Variants in CARMIL2 observed in about 807,000 individuals in gnomAD.
CARMIL2 encodes the protein capping protein, Arp2/3 and myosin-I linker protein 2.
In CARMIL2, 96 loss-of-function variants were observed where a neutral mutation model predicts 173.3. The ratio of observed to expected loss-of-function variants is 0.55; its 90% CI spans 0.47 to 0.66. The LOEUF (loss-of-function observed/expected upper bound fraction) is 0.66. CARMIL2 is among the 30% of genes least tolerant of loss of function. The probability of loss-of-function intolerance (pLI) is 0.00; values close to 1 mark genes in which losing one functional copy is unlikely to be tolerated. For synonymous variants in CARMIL2, 830 were observed against 817.1 expected, an observed-to-expected ratio of 1.02 and a Z score of -0.27; for missense variants, 1,771 against 1,906.7, an observed-to-expected ratio of 0.93 and a Z score of 1.33.
Position 67,649,034 on chromosome 16 carries a change from C to A in CARMIL2, c.1592-42C>A, listed in dbSNP as rs371019393. On this transcript the variant is annotated intron_variant, in intron 17 of 37. Coordinates refer to ENST00000334583, the MANE Select transcript of CARMIL2 (RefSeq NM_001013838.3). The surrounding 1 kb of genome is among the most constrained non-coding windows in gnomAD (Gnocchi z 6.7). ...CACTCGATTCCCAATCCCCACCCTA[C>A]CCTTGCAACTTCGCCTCGTGCGTGA... The A allele has an allele frequency of 4.4e-6, 7 of 1,604,286 alleles. No homozygotes were observed. Among genetic ancestry groups the A allele is most frequent in the Non-Finnish European group, 6.0e-6 (7 of 1,175,782 alleles).
chr16:67,649,923 G>T lies in CARMIL2; in HGVS notation c.2037G>T (p.Gln679His), dbSNP rs1430043793. ...CTCTGCCACTGAACGACGTGGCCCA[G>T]GCGCAGCGCAGCCGCCCGGAACTGA... ...AMPLPLNDVA[Q>H]AQRSRPELTA... Residue 679 changes from glutamine (Q) to histidine (H), a missense_variant, in exon 21 of 38, where the codon CAG (glutamine) becomes CAT (histidine). By Grantham distance (24) the Gln-to-His change is conservative (BLOSUM62 0). Around this residue, in one of 3 missense-constraint regions of CARMIL2, gnomAD observed 944 missense variants for 975.6 expected, o/e 0.97. Transcript: ENST00000334583. The surrounding 1 kb of genome is among the most constrained non-coding windows in gnomAD (Gnocchi z 6.7). 6.2e-7 allele frequency: 1 copy of T among 1,613,240 alleles called. No homozygotes were observed. The highest frequency in any genetic ancestry group is 8.5e-7 in the Non-Finnish European group (1 of 1,179,850).
rs186333908 is a variant in CARMIL2, at chr16:67,654,091, G to A, written c.3121-58G>A. 4.8e-5 allele frequency: 52 copies of A among 1,093,856 alleles called. 1 individual carries two copies. Among genetic ancestry groups the A allele is most frequent in the Non-Finnish European group, 6.3e-5 (50 of 788,810 alleles). 67.8% of individuals were successfully genotyped at this position (1,093,856 alleles called of 1,614,324 possible). On this transcript the variant is annotated intron_variant, in intron 29 of 37. Coordinates refer to ENST00000334583, the MANE Select transcript of CARMIL2 (RefSeq NM_001013838.3). ...TCCAGGCTGCCGGCCGGGGGGGGGG[G>A]GGGGTAGAAGCCAGAGTTGCACTCA... is the stretch of plus-strand genomic sequence containing the variant.
intron 9 of CARMIL2, 26 bp from the exon 10 acceptor site, chr16:67,647,273 G>A (rs376793104): frequency 1.9e-5 from 31 of 1,609,356 alleles, no homozygotes; most frequent in Admixed American, 1.2e-4. Context: ...GGTGCAGCCC[G>A]TGAGCCGCCG....
chr16:67,653,040 C>A lies in CARMIL2; in HGVS notation c.2906C>A (p.Pro969Gln). The A allele has an allele frequency of 7.9e-7, 1 of 1,272,038 alleles. No individual in the cohort carries two copies. Among genetic ancestry groups the A allele is most frequent in the Non-Finnish European group, 1.0e-6 (1 of 996,774 alleles). 78.8% of individuals were successfully genotyped at this position (1,272,038 alleles called of 1,614,324 possible). A position where few individuals can be genotyped will look rare whatever the true frequency, so the allele number is the denominator to read the frequency against. ...TCAGGTGCTGCTGAGGAAGCGGAGC[C>A]GGAGCCCGAGCTGGCGGCTCCGGGA... is the stretch of plus-strand genomic sequence containing the variant. ...FIHSAAEEAEPEPELAAPGED... is the reference protein window; with the variant it reads ...FIHSAAEEAEQEPELAAPGED... Residue 969 changes from proline to glutamine, a missense_variant, in exon 29 of 38, where the codon CCG becomes CAG. Physicochemically the swap from Pro to Gln is moderately conservative, Grantham distance 76 (BLOSUM62 -1). Around this residue, in one of 3 missense-constraint regions of CARMIL2, gnomAD observed 817 missense variants for 903.5 expected, o/e 0.90. Coordinates refer to ENST00000334583, the MANE Select transcript of CARMIL2 (RefSeq NM_001013838.3). This position sits in a 1 kb window ranked among gnomAD's most constrained non-coding sequence, Gnocchi z 7.4.
rs2052774014 is a variant in CARMIL2, at chr16:67,653,712, C to T, written c.3121-437C>T. Among the ~76,000 whole-genome samples, 1 of 150,710 alleles carries T rather than the reference C, an allele frequency of 6.6e-6. No individual in the cohort carries two copies. Among genetic ancestry groups the T allele is most frequent in the South Asian group, 2.1e-4 (1 of 4,696 alleles). On this transcript the variant is annotated intron_variant, in intron 29 of 37. Coordinates refer to ENST00000334583, the MANE Select transcript of CARMIL2 (RefSeq NM_001013838.3). This position sits in a 1 kb window ranked among gnomAD's most constrained non-coding sequence, Gnocchi z 7.4. Reference sequence around the variant, plus strand: ...CTGGCGGAGGGCGGGGAGGAGCCGGCTTGAGGCCCCCCAGAGGGTCTGACG... The same window carrying T: ...CTGGCGGAGGGCGGGGAGGAGCCGGTTTGAGGCCCCCCAGAGGGTCTGACG...
At position 67,656,070 on chromosome 16, in the gene CARMIL2, A is replaced by G. The variant is rs2052846559; in HGVS notation, c.3742+3A>G. The G allele has an allele frequency of 1.2e-6, 2 of 1,605,710 alleles. No individual in the cohort carries two copies. The highest frequency in any genetic ancestry group is 1.7e-6 in the Non-Finnish European group (2 of 1,176,028). On this transcript the variant is annotated splice_donor_region_variant and intron_variant, in intron 33 of 37. Coordinates refer to ENST00000334583, the MANE Select transcript of CARMIL2 (RefSeq NM_001013838.3). Reference sequence around the variant, plus strand: ...GATCAAGAAAGCTGGCTCAGATGGTAAGTGGGACCCTGGGGTGTGGCAGTA... The same window carrying G: ...GATCAAGAAAGCTGGCTCAGATGGTGAGTGGGACCCTGGGGTGTGGCAGTA...
At position 67,652,238 on chromosome 16, in the gene CARMIL2, C is replaced by A. The variant is rs759374904; in HGVS notation, c.2716C>A (p.Pro906Thr). The A allele has an allele frequency of 9.9e-6, 16 of 1,613,090 alleles. No homozygotes were observed. Among genetic ancestry groups the A allele is most frequent in the Non-Finnish European group, 1.4e-5 (16 of 1,179,858 alleles). ...TCAGCAGGCAACAGTGACAATGCCC[C>A]CTGCCCTACCAGCACCGGATGGAGG... ...LAQQATVTMP[P>T]ALPAPDGGEP... is the part of the protein sequence containing the mutation. The change falls in exon 27 of 38, where the codon CCT (proline) becomes ACT (threonine). Residue 906 changes from proline to threonine, a missense_variant. Pro to Thr is a conservative substitution (Grantham distance 38). This residue lies in a region of CARMIL2 where 817 missense variants were observed against 903.5 expected (regional missense o/e 0.90). Coordinates refer to ENST00000334583, the MANE Select transcript of CARMIL2 (RefSeq NM_001013838.3). This position sits in a 1 kb window ranked among gnomAD's most constrained non-coding sequence, Gnocchi z 4.7.
At position 67,653,033 on chromosome 16, in the gene CARMIL2, GC is replaced by G; in HGVS notation, c.2900del (p.Ala967GlyfsTer102). ...VPFIHSAAEEAEPEPELAAPG... is the reference protein window; with the variant it reads ...VPFIHSAAEEXEPEPELAAPG... ...TGTCCCCTCAGGTGCTGCTGAGGAA[GC>G]GGAGCCGGAGCCCGAGCTGGCGGCT... is the stretch of plus-strand genomic sequence containing the variant. On this transcript the variant is annotated frameshift_variant, in exon 29 of 38. Transcript: ENST00000334583. LOFTEE classifies it high-confidence loss of function. The surrounding 1 kb of genome is among the most constrained non-coding windows in gnomAD (Gnocchi z 7.4). 7.9e-7 allele frequency: 1 copy of G among 1,270,766 alleles called. No homozygotes were observed. 78.7% of individuals were successfully genotyped at this position (1,270,766 alleles called of 1,614,324 possible).
rs781338790 is a variant in CARMIL2 at position 67,654,685 on chromosome 16, C to T, written c.3575C>T (p.Pro1192Leu). 10 of 1,591,974 alleles carry T rather than the reference C, an allele frequency of 6.3e-6. No homozygotes were observed. The highest frequency in any genetic ancestry group is 3.4e-5 in the Admixed American group (2 of 58,000). The change falls in exon 31 of 38, where the codon CCC becomes CTC. Residue 1192 changes from proline (P) to leucine (L), a missense_variant. Pro to Leu is a moderately conservative substitution (Grantham distance 98, BLOSUM62 -3). Around this residue, in one of 3 missense-constraint regions of CARMIL2, gnomAD observed 817 missense variants for 903.5 expected, o/e 0.90. Coordinates refer to ENST00000334583, the MANE Select transcript of CARMIL2 (RefSeq NM_001013838.3). ...GAGGAGGCAACGCTGGGTGCCAGAC[C>T]CGACAAGGTGAGGCTTGCTGATGGG... ...AEEEATLGAR[P>L]DKRRPLERGE...
intron 8 of CARMIL2, 56 bp from the exon 9 acceptor site, chr16:67,647,060 C>A: frequency 6.2e-7 from 1 of 1,608,422 alleles, no homozygotes. Flanking sequence ...GGCTGCTGGG[C>A]CTGGGACCTG....
At position 67,654,810 on chromosome 16, in the gene CARMIL2, G is replaced by A; in HGVS notation, c.3615G>A (p.Leu1205=). 6.2e-7 allele frequency: 1 copy of A among 1,613,578 alleles called. No homozygotes were observed. The highest frequency in any genetic ancestry group is 8.5e-7 in the Non-Finnish European group (1 of 1,179,888). ...RRPLERGETE[L]APSFEQRVQV... ...CCCTGGAGCGGGGAGAAACAGAACT[G>A]GCTCCATCCTTTGAACAGCGGGTAC... The change falls in exon 32 of 38, where the codon CTG becomes CTA. Residue 1205 remains leucine, a synonymous_variant. Transcript: ENST00000334583.
intron 35 of CARMIL2, 48 bp downstream of exon 35, chr16:67,656,693 A>C: frequency 6.4e-7 from 1 of 1,571,436 alleles, no homozygotes; most frequent in South Asian, 1.1e-5. Context: ...TCGGGGCTGG[A>C]GGAGTTCCTG....
Position 67,652,063 on chromosome 16 carries a change from G to A in CARMIL2, c.2676+55G>A. The A allele has an allele frequency of 6.2e-7, 1 of 1,605,382 alleles. No homozygotes were observed. Among genetic ancestry groups the A allele is most frequent in the Non-Finnish European group, 8.5e-7 (1 of 1,173,000 alleles). ...GCAAACACACACATGCAGTGACTTG[G>A]CCATCTCCCTTGCAGGGGCTCTGTA... On this transcript the variant is annotated intron_variant, in intron 26 of 37. Coordinates refer to ENST00000334583, the MANE Select transcript of CARMIL2 (RefSeq NM_001013838.3). The surrounding 1 kb of genome is among the most constrained non-coding windows in gnomAD (Gnocchi z 4.7).
Position 67,652,095 on chromosome 16 carries a change from T to C in CARMIL2, c.2676+87T>C. ...CCCTTGCAGGGGCTCTGTAATGTCT[T>C]CTGGGGTCATGTAGCCCAGGGCTAT... On this transcript the variant is annotated intron_variant, in intron 26 of 37. Transcript: ENST00000334583. This position sits in a 1 kb window ranked among gnomAD's most constrained non-coding sequence, Gnocchi z 4.7. 6.2e-7 allele frequency: 1 copy of C among 1,600,160 alleles called. No homozygotes were observed. The highest frequency in any genetic ancestry group is 1.7e-5 in the Admixed American group (1 of 59,840).
intron 22 of CARMIL2, 129 bp downstream of exon 22, chr16:67,650,279 G>T: frequency 1.4e-6 from 1 of 715,332 alleles, no homozygotes; most frequent in Non-Finnish European, 2.3e-6. Flanking sequence ...CCCACACAAA[G>T]TCCCTCTCCT....
intron 29 of CARMIL2, 66 bp from the exon 30 acceptor site, chr16:67,654,083 G>GA: frequency 1.9e-6 from 1 of 529,142 alleles, no homozygotes. Flanking sequence ...TGCCGGCCGG[G>GA]GGGGGGGGGG....
rs746302741 is a variant in CARMIL2, at chr16:67,650,099, C to G, written c.2133C>G (p.Asp711Glu). The G allele has an allele frequency of 6.2e-7, 1 of 1,613,736 alleles. No homozygotes were observed. Among genetic ancestry groups the G allele is most frequent in the South Asian group, 1.1e-5 (1 of 91,038 alleles). Residue 711 changes from aspartate (D) to glutamate (E), a missense_variant, in exon 22 of 38, where the codon GAC becomes GAG. By Grantham distance (45) the Asp-to-Glu change is conservative. Coordinates refer to ENST00000334583, the MANE Select transcript of CARMIL2 (RefSeq NM_001013838.3). ...ACCGCGCAGACCCTGCCTCTTCTGA[C>G]CACACGACCCGCCTTCAGCCACTTG... The part of the protein sequence containing the change: ...RNNRADPASS[D>E]HTTRLQPLGL...
intron 1 of CARMIL2, 22 bp from the exon 2 acceptor site, chr16:67,645,518 C>CCAG: frequency 1.3e-6 from 2 of 1,570,640 alleles, no homozygotes; most frequent in Non-Finnish European, 8.6e-7. Flanking sequence ...CTGAAGTCAC[C>CCAG]CAGCAGGCTG....
At position 67,648,928 on chromosome 16, in the gene CARMIL2, A is replaced by T. The variant is rs2052658978; in HGVS notation, c.1545A>T (p.Leu515Phe). The T allele has an allele frequency of 6.2e-7, 1 of 1,609,464 alleles. No homozygotes were observed. Among genetic ancestry groups the T allele is most frequent in the African/African-American group, 1.3e-5 (1 of 74,820 alleles). The stretch of plus-strand genomic sequence containing the variant: ...CCGGCGCCCAGGTGATACAAGACTT[A>T]GTGTGCGACGCAGGCGCTGTGAGCT... ...RSAGAQVIQD[L>F]VCDAGAVSSL... is the part of the protein sequence containing the mutation. Residue 515 changes from leucine to phenylalanine, a missense_variant, in exon 17 of 38, where the codon TTA (leucine) becomes TTT (phenylalanine). By Grantham distance (22) the Leu-to-Phe change is conservative (BLOSUM62 0). Transcript: ENST00000334583. This position sits in a 1 kb window ranked among gnomAD's most constrained non-coding sequence, Gnocchi z 6.1.
Sources: gnomAD v4.1 joint callset for allele counts (sites outside exome capture counted in the v4.1 genomes callset) on GRCh38, gnomAD v4.1.1 for gene constraint, gnomAD v4.1.1 regional missense constraint, Gnocchi (gnomAD v3.1) non-coding constraint, MANE v1.5 for transcripts, NCBI Gene and HGNC (gene_info 2026-07-23, HGNC 2026-07-21) for gene names.